The following KLHL26 variants were observed in gnomAD, a reference collection of about 807,000 sequenced individuals.
KLHL26 encodes the protein kelch like family member 26, also known as kelch-like protein 26.
KLHL26 carries 4 observed loss-of-function variants against 7.1 expected under a neutral mutation model. That is an observed-to-expected ratio of 0.56 (90% confidence interval 0.28 to 1.28). The LOEUF (loss-of-function observed/expected upper bound fraction) is 1.28, where lower values mean the gene tolerates loss of function less well. KLHL26 is among the 50% of genes most tolerant of loss of function. The probability of loss-of-function intolerance (pLI) is 0.11; values close to 1 mark genes in which losing one functional copy is unlikely to be tolerated. For synonymous variants in KLHL26, 465 were observed against 414.1 expected (o/e 1.12, Z -1.49); for missense variants, 896 against 924.6 (o/e 0.97, Z 0.40).
intron 2 of KLHL26, among the ~76,000 whole-genome samples, chr19:18,665,110 G>A (rs2052434444): frequency 6.6e-6 from 1 of 151,134 alleles, no homozygotes; most frequent in African/African-American, 2.4e-5. Context: ...AGGCTGGAGT[G>A]CAGTAGCACA....
chr19:18,646,977 G>T lies in KLHL26; in HGVS notation c.83+9840G>T, dbSNP rs1976814016. Among the ~76,000 whole-genome samples, 1 of 151,798 alleles carries T rather than the reference G, an allele frequency of 6.6e-6. No individual in the cohort carries two copies. The highest frequency in any genetic ancestry group is 1.5e-5 in the Non-Finnish European group (1 of 67,882). The stretch of plus-strand genomic sequence containing the variant: ...AGGGCGGGGGCAGGGGCGGCGGGGG[G>T]TGGCGCGTCTCAGCAGGGATGGGGG... On this transcript the variant is annotated intron_variant, in intron 1 of 2. Transcript: ENST00000300976. This position sits in a 1 kb window ranked among gnomAD's most constrained non-coding sequence, Gnocchi z 5.0.
At position 18,668,199 on chromosome 19, in the gene KLHL26, C is replaced by T. The variant is rs1378045755; in HGVS notation, c.802C>T (p.Leu268=). The change falls in exon 3 of 3, where the codon CTG becomes TTG. Residue 268 remains leucine, a synonymous_variant. Transcript: ENST00000300976. The stretch of plus-strand genomic sequence containing the variant: ...CGAGCTGGTGGACAGCGTGCAGACG[C>T]TGGACATCATGGTGGAGGACGTGCT... ...SSELVDSVQT[L]DIMVEDVLCR... 2 of 1,611,668 alleles carry T rather than the reference C, an allele frequency of 1.2e-6. No individual in the cohort carries two copies. Among genetic ancestry groups the T allele is most frequent in the Non-Finnish European group, 1.7e-6 (2 of 1,179,866 alleles).
chr19:18,668,199 C>A lies in KLHL26; in HGVS notation c.802C>A (p.Leu268Met), dbSNP rs1378045755. ...CGAGCTGGTGGACAGCGTGCAGACG[C>A]TGGACATCATGGTGGAGGACGTGCT... The part of the protein sequence containing the change: ...SSELVDSVQT[L>M]DIMVEDVLCR... The change falls in exon 3 of 3, where the codon CTG becomes ATG. Residue 268 changes from leucine to methionine, a missense_variant. Transcript: ENST00000300976. 4.3e-6 allele frequency: 7 copies of A among 1,611,548 alleles called. No individual in the cohort carries two copies. Among genetic ancestry groups the A allele is most frequent in the South Asian group, 1.1e-5 (1 of 91,086 alleles).
intron 1 of KLHL26, among the ~76,000 whole-genome samples, chr19:18,662,786 GA>G (rs1343083189): frequency 6.6e-6 from 1 of 152,022 alleles, no homozygotes; most frequent in Non-Finnish European, 1.5e-5. Context: ...TGGGTCTAGG[GA>G]AAAAAGAGCC....
At chr19:18,652,862 G>A (rs2052275227) in intron 1 of KLHL26, among the ~76,000 whole-genome samples, 1 of 152,200 alleles carries the variant, frequency 6.6e-6, no homozygotes, top group Non-Finnish European at 1.5e-5. Context: ...TGGCTCCGTT[G>A]TCGGCAGGCA....
intron 1 of KLHL26, among the ~76,000 whole-genome samples, chr19:18,641,500 G>T (rs1976711357): frequency 6.6e-6 from 1 of 151,222 alleles, no homozygotes; most frequent in Non-Finnish European, 1.5e-5. Flanking sequence ...TGTATTTTTA[G>T]TGGAGACGGG....
rs1976808189 is a variant in KLHL26, at chr19:18,646,717, C to T, written c.83+9580C>T. On this transcript the variant is annotated intron_variant, in intron 1 of 2. Coordinates refer to ENST00000300976, the MANE Select transcript of KLHL26 (RefSeq NM_018316.3). The surrounding 1 kb of genome is among the most constrained non-coding windows in gnomAD (Gnocchi z 5.0). ...GATGGGGACACTGCCATCCTTCTGC[C>T]CGCCATGCCCGCATGGGCCTTGAGG... Among the ~76,000 whole-genome samples, 2 of 152,206 alleles carry T rather than the reference C, an allele frequency of 1.3e-5. No homozygotes were observed. Among genetic ancestry groups the T allele is most frequent in the African/African-American group, 4.8e-5 (2 of 41,444 alleles).
At position 18,650,020 on chromosome 19, in the gene KLHL26, G is replaced by T. The variant is rs1298897096; in HGVS notation, c.83+12883G>T. On this transcript the variant is annotated intron_variant, in intron 1 of 2. Coordinates refer to ENST00000300976, the MANE Select transcript of KLHL26 (RefSeq NM_018316.3). This position sits in a 1 kb window ranked among gnomAD's most constrained non-coding sequence, Gnocchi z 4.2. Reference sequence around the variant, plus strand: ...CTTGGGGGAATCACAGACCTTTCCTGCGAGGGCAAGGGCTTCCGGAATTGA... The same window carrying T: ...CTTGGGGGAATCACAGACCTTTCCTTCGAGGGCAAGGGCTTCCGGAATTGA... Among the ~76,000 whole-genome samples the T allele has an allele frequency of 4.6e-5, 7 of 152,246 alleles. No homozygotes were observed. The highest frequency in any genetic ancestry group is 1.4e-4 in the African/African-American group (6 of 41,470).
rs773976048 is a variant in KLHL26, at chr19:18,664,268, G to A, written c.91G>A (p.Asp31Asn). The change falls in exon 2 of 3, where the codon GAC becomes AAC. Residue 31 changes from aspartate to asparagine, a missense_variant. Asp to Asn is a conservative substitution (Grantham distance 23, BLOSUM62 1). Coordinates refer to ENST00000300976, the MANE Select transcript of KLHL26 (RefSeq NM_018316.3). ...CCTCTGCTTTCCCCGCAGCACGGCC[G>A]ACAAGAACGGGGCCCTCAAGTGCAC... ...PGPERPNSTA[D>N]KNGALKCTFS... 9 of 1,597,822 alleles carry A rather than the reference G, an allele frequency of 5.6e-6. No individual in the cohort carries two copies. Among genetic ancestry groups the A allele is most frequent in the Admixed American group, 3.4e-5 (2 of 58,528 alleles).
intron 1 of KLHL26, among the ~76,000 whole-genome samples, chr19:18,643,247 C>A (rs1481355580): frequency 6.6e-6 from 1 of 151,484 alleles, no homozygotes; most frequent in African/African-American, 2.4e-5. Flanking sequence ...GAGTTTGAGA[C>A]CAGCCTAGCC....
intron 1 of KLHL26, among the ~76,000 whole-genome samples, chr19:18,645,409 G>A (rs749926874): frequency 6.6e-6 from 1 of 152,112 alleles, no homozygotes; most frequent in Admixed American, 6.5e-5. Context: ...TTTGGCCCAC[G>A]CTCCCTGGAG....
intron 1 of KLHL26, among the ~76,000 whole-genome samples, chr19:18,661,569 G>A (rs781315653): frequency 6.6e-6 from 1 of 152,004 alleles, no homozygotes; most frequent in African/African-American, 2.4e-5. Flanking sequence ...TCTTCCCCAG[G>A]ATGCGTCAGC....
intron 1 of KLHL26, among the ~76,000 whole-genome samples, chr19:18,645,804 T>G (rs907829809): frequency 1.3e-5 from 2 of 148,374 alleles, no homozygotes; most frequent in Non-Finnish European, 3.0e-5. Flanking sequence ...AGAGTGAGAC[T>G]CTGTATCAAA....
chr19:18,665,336 G>A (rs1204877775), intron 2 of KLHL26, among the ~76,000 whole-genome samples: 1 of 152,334 alleles, frequency 6.6e-6, no homozygotes, highest in East Asian at 1.9e-4. Flanking sequence ...GATTACAGGC[G>A]TGAGCCACTG....
At position 18,669,489 on chromosome 19, in the gene KLHL26, C is replaced by T. The variant is rs191039135; in HGVS notation, c.*244C>T. On this transcript the variant is annotated 3_prime_UTR_variant, in exon 3 of 3. Transcript: ENST00000300976. ...GTCTGACATGTGGTGGCAGCAAATT[C>T]GTCCCCGGGGTGGTTTCCTCGCCTG... 6 of 573,380 alleles carry T rather than the reference C, an allele frequency of 1.0e-5. No individual in the cohort carries two copies. The highest frequency in any genetic ancestry group is 2.9e-5 in the East Asian group (1 of 34,020). The allele number at this position is 573,380 out of a possible 1,614,324, so 35.5% of individuals were successfully genotyped here.
In KLHL26 at chr19:18,668,365, A is replaced by C. The variant is rs1413201127; in HGVS notation, c.968A>C (p.Asp323Ala). Residue 323 changes from aspartate to alanine, a missense_variant, in exon 3 of 3, where the codon GAC (aspartate) becomes GCC (alanine). Asp to Ala is a moderately radical substitution (Grantham distance 126). Coordinates refer to ENST00000300976, the MANE Select transcript of KLHL26 (RefSeq NM_018316.3). ...GGCGGCACGCCCTACACCGACAGCGACCGCTCGGTCAGCAGCAAGGTCTAC... is the reference window on the plus strand; with the variant it reads ...GGCGGCACGCCCTACACCGACAGCGCCCGCTCGGTCAGCAGCAAGGTCTAC... ...TFGGTPYTDS[D>A]RSVSSKVYQL... The C allele has an allele frequency of 6.2e-7, 1 of 1,607,480 alleles. No individual in the cohort carries two copies. Among genetic ancestry groups the C allele is most frequent in the Admixed American group, 1.7e-5 (1 of 59,928 alleles).
intron 1 of KLHL26, among the ~76,000 whole-genome samples, chr19:18,661,563 C>T (rs532184625): frequency 1.3e-5 from 2 of 152,270 alleles, no homozygotes; most frequent in South Asian, 2.1e-4. Flanking sequence ...GCAACATCTT[C>T]CCCAGGATGC....
At chr19:18,642,453 C>T (rs548032834) in intron 1 of KLHL26, among the ~76,000 whole-genome samples, 7 of 151,740 alleles carry the variant, frequency 4.6e-5, no homozygotes, top group Admixed American at 3.3e-4. Flanking sequence ...CTCCACCTCC[C>T]GGGCTCAAGC....
chr19:18,651,029 C>G (rs2052249548), intron 1 of KLHL26, among the ~76,000 whole-genome samples: 1 of 152,120 alleles, frequency 6.6e-6, no homozygotes, highest in South Asian at 2.1e-4. Flanking sequence ...ATCCGAGGCC[C>G]CTCTTGGTGG....
Sources: gnomAD v4.1 joint callset for allele counts (sites outside exome capture counted in the v4.1 genomes callset) on GRCh38, gnomAD v4.1.1 for gene constraint, Gnocchi (gnomAD v3.1) non-coding constraint, MANE v1.5 for transcripts, NCBI Gene and HGNC (gene_info 2026-07-23, HGNC 2026-07-21) for gene names.